SOCS5: variants seen among roughly 807,000 people sequenced by gnomAD.
The protein encoded by SOCS5 is CIS-6.
A neutral mutation model predicts 42.8 loss-of-function variants in SOCS5; 32 were observed. The ratio of observed to expected loss-of-function variants is 0.75; its 90% CI spans 0.56 to 1.01. The LOEUF is 1.01. Among genes scored for constraint, SOCS5 ranks in the 50% least tolerant of loss-of-function variants. SOCS5 has a pLI of 0.00. For synonymous variants in SOCS5, 283 were observed against 229.6 expected (o/e 1.23, Z -2.10); for missense variants, 627 against 653.0 (o/e 0.96, Z 0.43).
chr2:46,703,799 A>C lies in SOCS5; in HGVS notation c.-13+4350A>C, dbSNP rs1014312031. On this transcript the variant is annotated intron_variant, in intron 1 of 1. Transcript: ENST00000394861. ...AAAATATGAATTATTTGCATTGTCC[A>C]TCTTAACAAATTCTTCATCTGAGTC... Among the ~76,000 whole-genome samples, 11 of 152,344 alleles carry C rather than the reference A, an allele frequency of 7.2e-5. No homozygotes were observed. The South Asian group carries it at 1.9e-3, about 26-fold the overall frequency.
intron 1 of SOCS5, among the ~76,000 whole-genome samples, chr2:46,741,891 GAATA>G (rs1245171764): frequency 6.6e-6 from 1 of 151,984 alleles, no homozygotes; most frequent in Non-Finnish European, 1.5e-5. Flanking sequence ...TATGTTCTTG[GAATA>G]AATTTCTAAT....
At chr2:46,749,900 A>G (rs1673587607) in intron 1 of SOCS5, among the ~76,000 whole-genome samples, 1 of 152,230 alleles carries the variant, frequency 6.6e-6, no homozygotes, top group Non-Finnish European at 1.5e-5. Context: ...ACTGAAAGAA[A>G]GAAGTATTTT....
chr2:46,730,184 G>A (rs184393706), intron 1 of SOCS5, among the ~76,000 whole-genome samples: 13 of 152,180 alleles, frequency 8.5e-5, no homozygotes, highest in Admixed American at 7.8e-4. Context: ...TACGGATTTT[G>A]GCCAACAAAT....
rs4953419 is a variant in SOCS5, at chr2:46,762,730, T to G, written c.*2589T>G. On this transcript the variant is annotated 3_prime_UTR_variant, in exon 2 of 2. Transcript: ENST00000394861. ...TTGTAGCCTGTCAACTAAATTTGAGTGTTAACGGTCTTTTTAAAGTGCATT... is the reference window on the plus strand; with the variant it reads ...TTGTAGCCTGTCAACTAAATTTGAGGGTTAACGGTCTTTTTAAAGTGCATT... The G allele has an allele frequency of 0.3, 49,281 of 165,872 alleles. 8,372 individuals are homozygous for G. The highest frequency in any genetic ancestry group is 0.38 in the Non-Finnish European group (26,105 of 67,996). 10.3% of individuals were successfully genotyped at this position (165,872 alleles called of 1,614,324 possible). A position where few individuals can be genotyped will look rare whatever the true frequency, so the allele number is the denominator to read the frequency against.
At chr2:46,742,268 A>G (rs1673394686) in intron 1 of SOCS5, among the ~76,000 whole-genome samples, 1 of 152,098 alleles carries the variant, frequency 6.6e-6, no homozygotes, top group Non-Finnish European at 1.5e-5. Context: ...TTTTTTAAAT[A>G]GAGACAGGTC....
In SOCS5 at chr2:46,709,006, C is replaced by A. The variant is rs1439459339; in HGVS notation, c.-13+9557C>A. On this transcript the variant is annotated intron_variant, in intron 1 of 1. Coordinates refer to ENST00000394861, the MANE Select transcript of SOCS5 (RefSeq NM_144949.3). ...GGTTCAACAGATTCTCCTGCCTCAG[C>A]CTCCCAAGTAGCGGGGACTACAGGC... 5.9e-5 allele frequency among the ~76,000 whole-genome samples: 9 copies of A among 151,404 alleles called. No homozygotes were observed. The Admixed American group carries it at 5.9e-4, about 10-fold the overall frequency.
chr2:46,729,614 T>C (rs925323718), intron 1 of SOCS5, among the ~76,000 whole-genome samples: 1 of 152,212 alleles, frequency 6.6e-6, no homozygotes, highest in African/African-American at 2.4e-5. Context: ...TATTTTTAAA[T>C]GGCACACCTG....
chr2:46,746,421 G>A (rs763969992), intron 1 of SOCS5, among the ~76,000 whole-genome samples: 3 of 152,168 alleles, frequency 2.0e-5, no homozygotes, highest in Non-Finnish European at 4.4e-5. Context: ...GGAGGCCGAG[G>A]TGGGTGGATT....
At chr2:46,744,024 C>A (rs551097854) in intron 1 of SOCS5, among the ~76,000 whole-genome samples, 3 of 151,428 alleles carry the variant, frequency 2.0e-5, no homozygotes, top group African/African-American at 7.3e-5. Context: ...GCATCTCACT[C>A]TGTCCACCAG....
At chr2:46,712,336 C>CTTTTTTTT (rs70940636) in intron 1 of SOCS5, among the ~76,000 whole-genome samples, 8 of 64,956 alleles carry the variant, frequency 1.2e-4, no homozygotes, top group Non-Finnish European at 1.6e-4. Flanking sequence ...GGATGTTTAG[C>CTTTTTTTT]TTTTTTTTTT....
chr2:46,719,572 AC>A, intron 1 of SOCS5, among the ~76,000 whole-genome samples: 1 of 152,232 alleles, frequency 6.6e-6, no homozygotes, highest in East Asian at 1.9e-4. Flanking sequence ...GAAAGAATGG[AC>A]GTCATAGTCT....
intron 1 of SOCS5, among the ~76,000 whole-genome samples, chr2:46,704,681 A>G (rs181630759): frequency 2.6e-5 from 4 of 152,330 alleles, no homozygotes; most frequent in East Asian, 1.9e-4. Context: ...TAGAGCAGAA[A>G]GAATATCTTT....
intron 1 of SOCS5, among the ~76,000 whole-genome samples, chr2:46,757,041 A>C (rs1233927612): frequency 6.6e-6 from 1 of 152,240 alleles, no homozygotes; most frequent in East Asian, 1.9e-4. Context: ...GCTTTTAATA[A>C]AGAATTAAAT....
intron 1 of SOCS5, among the ~76,000 whole-genome samples, chr2:46,726,635 C>G (rs1287410959): frequency 2.6e-5 from 4 of 152,078 alleles, no homozygotes; most frequent in Non-Finnish European, 5.9e-5. Context: ...TAGATCATTT[C>G]TACCAGTCTA....
chr2:46,758,646 C>T lies in SOCS5; in HGVS notation c.116C>T (p.Ser39Phe). The change falls in exon 2 of 2, where the codon TCT (serine) becomes TTT (phenylalanine). Residue 39 changes from serine to phenylalanine, a missense_variant. By Grantham distance (155) the Ser-to-Phe change is radical. This residue lies in a region of SOCS5 where 278 missense variants were observed against 246.3 expected (regional missense o/e 1.13). Transcript: ENST00000394861. ...NVDMNSNRCLSVKEKNISIGD... is the reference protein window; with the variant it reads ...NVDMNSNRCLFVKEKNISIGD... ...GACATGAACTCCAACAGATGTTTGTCTGTCAAAGAGAAAAACATCAGCATA... is the reference window on the plus strand; with the variant it reads ...GACATGAACTCCAACAGATGTTTGTTTGTCAAAGAGAAAAACATCAGCATA... 2 of 1,614,062 alleles carry T rather than the reference C, an allele frequency of 1.2e-6. No homozygotes were observed. The highest frequency in any genetic ancestry group is 1.7e-6 in the Non-Finnish European group (2 of 1,179,956).
intron 1 of SOCS5, among the ~76,000 whole-genome samples, chr2:46,740,522 G>A (rs1411815073): frequency 6.6e-6 from 1 of 152,164 alleles, no homozygotes; most frequent in Admixed American, 6.5e-5. Context: ...AGCAGAATTT[G>A]AAAAATCAAG....
intron 1 of SOCS5, among the ~76,000 whole-genome samples, chr2:46,705,368 T>A (rs1026954382): frequency 6.6e-6 from 1 of 152,174 alleles, no homozygotes; most frequent in Non-Finnish European, 1.5e-5. Flanking sequence ...GTGTCAGAAT[T>A]GGTTTGAATT....
At chr2:46,735,851 G>A (rs1339759686) in intron 1 of SOCS5, among the ~76,000 whole-genome samples, 3 of 151,924 alleles carry the variant, frequency 2.0e-5, no homozygotes, top group African/African-American at 7.3e-5. Context: ...AATAGACACA[G>A]TCAATAGTAG....
At position 46,758,560 on chromosome 2, in the gene SOCS5, C is replaced by A. The variant is rs753443028; in HGVS notation, c.30C>A (p.Asn10Lys). Residue 10 changes from asparagine to lysine, a missense_variant, in exon 2 of 2, where the codon AAC becomes AAA. This residue lies in a region of SOCS5 where 278 missense variants were observed against 246.3 expected (regional missense o/e 1.13). Transcript: ENST00000394861. ...ATAAAGTGGGAAAAATGTGGAATAACTTCAAATACAGGTGTCAGAATCTCT... is the reference window on the plus strand; with the variant it reads ...ATAAAGTGGGAAAAATGTGGAATAAATTCAAATACAGGTGTCAGAATCTCT... MDKVGKMWNNFKYRCQNLFG... is the reference protein window; with the variant it reads MDKVGKMWNKFKYRCQNLFG... The A allele has an allele frequency of 2.5e-6, 4 of 1,600,884 alleles. No homozygotes were observed. Among genetic ancestry groups the A allele is most frequent in the Non-Finnish European group, 8.5e-7 (1 of 1,175,948 alleles).
Sources: gnomAD v4.1 joint callset for allele counts (sites outside exome capture counted in the v4.1 genomes callset) on GRCh38, gnomAD v4.1.1 for gene constraint, gnomAD v4.1.1 regional missense constraint, MANE v1.5 for transcripts, NCBI Gene and HGNC (gene_info 2026-07-23, HGNC 2026-07-21) for gene names.